Variants in ITGB3BP observed in about 807,000 individuals in gnomAD.
The protein encoded by ITGB3BP is integrin subunit beta 3 binding protein.
In ITGB3BP, 27 loss-of-function variants were observed where a neutral mutation model predicts 29.1. The observed-to-expected ratio is 0.93, with a 90% CI of 0.68 to 1.28. The LOEUF is 1.28. ITGB3BP is among the 50% of genes most tolerant of loss of function. ITGB3BP has a pLI of 0.00. For synonymous variants in ITGB3BP, 61 were observed against 61.4 expected, an observed-to-expected ratio of 0.99 and a Z score of 0.03; for missense variants, 192 against 200.2, an observed-to-expected ratio of 0.96 and a Z score of 0.25.
intron 8 of ITGB3BP, 80 bp downstream of exon 8, chr1:63,446,726 T>G: frequency 1.0e-6 from 1 of 988,096 alleles, no homozygotes; most frequent in East Asian, 2.4e-5. Context: ...AATCTGATAA[T>G]GTAAATAAAA....
chr1:63,522,848 T>TTA, intron 1 of ITGB3BP: 1 of 587,634 alleles, frequency 1.7e-6, no homozygotes, highest in Non-Finnish European at 3.2e-6. Context: ...TCAACCTTAT[T>TTA]TATGTTATTT....
At chr1:63,465,722 A>G (rs1320643480) in intron 4 of ITGB3BP, among the ~76,000 whole-genome samples, 3 of 152,168 alleles carry the variant, frequency 2.0e-5, no homozygotes, top group Admixed American at 1.3e-4. Flanking sequence ...GTTCTTAAGC[A>G]TCTTTTCTCC....
chr1:63,490,007 A>C (rs1033868087), intron 3 of ITGB3BP, 76 bp downstream of exon 3: 2 of 1,303,144 alleles, frequency 1.5e-6, no homozygotes, highest in Non-Finnish European at 2.2e-6. Flanking sequence ...AGATCCATAC[A>C]TAATTAAATC....
At chr1:63,480,342 GTTGT>G (rs1336189652) in intron 3 of ITGB3BP, among the ~76,000 whole-genome samples, 1 of 152,040 alleles carries the variant, frequency 6.6e-6, no homozygotes, top group African/African-American at 2.4e-5. Flanking sequence ...GAGCTATTTA[GTTGT>G]TTGTTCTAGA....
intron 3 of ITGB3BP, among the ~76,000 whole-genome samples, chr1:63,486,252 C>T (rs997358472): frequency 6.6e-6 from 1 of 151,876 alleles, no homozygotes; most frequent in Admixed American, 6.6e-5. Context: ...ATAACAAGTC[C>T]GAAGTGTTCA....
chr1:63,506,526 C>G (rs183457040), intron 2 of ITGB3BP, among the ~76,000 whole-genome samples: 1 of 151,998 alleles, frequency 6.6e-6, no homozygotes, highest in African/African-American at 2.4e-5. Context: ...GTGGGAATTA[C>G]GGGAGTACAA....
chr1:63,523,018 A>G (rs1440801372), intron 1 of ITGB3BP, 111 bp downstream of exon 1: 1 of 1,280,658 alleles, frequency 7.8e-7, no homozygotes, highest in East Asian at 2.3e-5. Context: ...AGAGGAGACA[A>G]GTTCATACTC....
intron 2 of ITGB3BP, among the ~76,000 whole-genome samples, chr1:63,493,980 G>C (rs1265851395): frequency 1.3e-5 from 2 of 152,142 alleles, no homozygotes; most frequent in African/African-American, 4.8e-5. Context: ...ACTTATGCTG[G>C]TTATTTAGGC....
chr1:63,499,156 G>GTTT (rs57626823), intron 2 of ITGB3BP, among the ~76,000 whole-genome samples: 4 of 118,068 alleles, frequency 3.4e-5, no homozygotes, highest in Non-Finnish European at 5.1e-5. Flanking sequence ...TTCCACTAGC[G>GTTT]TTTTTTTTTT....
intron 2 of ITGB3BP, among the ~76,000 whole-genome samples, chr1:63,499,155 CG>C (rs1279273690): frequency 2.9e-5 from 3 of 103,666 alleles, no homozygotes; most frequent in Middle Eastern, 0.011. Context: ...ATTCCACTAG[CG>C]TTTTTTTTTT....
intron 4 of ITGB3BP, among the ~76,000 whole-genome samples, chr1:63,469,781 G>A (rs1645163986): frequency 6.6e-6 from 1 of 152,212 alleles, no homozygotes; most frequent in Non-Finnish European, 1.5e-5. Flanking sequence ...AATTGCTGGT[G>A]TTGTTCAAGA....
intron 3 of ITGB3BP, 85 bp downstream of exon 3, chr1:63,489,998 G>T: frequency 1.7e-6 from 2 of 1,161,212 alleles, no homozygotes; most frequent in Non-Finnish European, 2.5e-6. Context: ...GCTGTAGCAA[G>T]ATCCATACAT....
upstream of ITGB3BP, among the ~76,000 whole-genome samples, chr1:63,526,665 AT>A (rs1415882701): frequency 4.6e-5 from 7 of 152,204 alleles, no homozygotes; most frequent in African/African-American, 1.7e-4. Context: ...GTCATGTTTA[AT>A]TTTGATTTAC....
chr1:63,482,109 C>T (rs1423404621), intron 3 of ITGB3BP, among the ~76,000 whole-genome samples: 2 of 151,604 alleles, frequency 1.3e-5, no homozygotes, highest in Admixed American at 6.6e-5. Flanking sequence ...CCTGTCTCTA[C>T]TAAAATACAA....
intron 8 of ITGB3BP, among the ~76,000 whole-genome samples, chr1:63,443,732 G>A (rs967859382): frequency 6.6e-6 from 1 of 152,096 alleles, no homozygotes; most frequent in African/African-American, 2.4e-5. Flanking sequence ...GGTGTGGAAA[G>A]GAGAATTAAG....
upstream of ITGB3BP, among the ~76,000 whole-genome samples, chr1:63,527,112 G>C (rs1388000611): frequency 2.0e-5 from 3 of 152,148 alleles, no homozygotes. Context: ...AAAATAATCC[G>C]AGTTTTTTTT....
intron 2 of ITGB3BP, among the ~76,000 whole-genome samples, chr1:63,503,244 T>C (rs1388679657): frequency 2.0e-5 from 3 of 152,202 alleles, no homozygotes; most frequent in Non-Finnish European, 2.9e-5. Flanking sequence ...GTGGTTTTGA[T>C]TTGCATTTCT....
chr1:63,528,542 A>T (rs900906885), intron 2 of ITGB3BP, among the ~76,000 whole-genome samples: 15 of 152,110 alleles, frequency 9.9e-5, no homozygotes, highest in African/African-American at 3.6e-4. Flanking sequence ...AAAATCATTT[A>T]AGTGTACATT....
chr1:63,514,269 GA>G (rs773310121), intron 1 of ITGB3BP, among the ~76,000 whole-genome samples: 11 of 152,046 alleles, frequency 7.2e-5, no homozygotes, highest in Admixed American at 2.6e-4. Flanking sequence ...CCTGTTGATG[GA>G]CACTTGGTTT....
Sources: gnomAD v4.1 joint callset for allele counts (sites outside exome capture counted in the v4.1 genomes callset) on GRCh38, gnomAD v4.1.1 for gene constraint, MANE v1.5 for transcripts, NCBI Gene and HGNC (gene_info 2026-07-23, HGNC 2026-07-21) for gene names.